The following FXR2 variants were observed in gnomAD, a reference collection of about 807,000 sequenced individuals.
FXR2 encodes FMR1 autosomal homolog 2.
In FXR2, 9 loss-of-function variants were observed where a neutral mutation model predicts 87.3. That is an observed-to-expected ratio of 0.10 (90% confidence interval 0.06 to 0.18). The LOEUF (loss-of-function observed/expected upper bound fraction) is 0.18. Ranked by LOEUF, FXR2 falls within the 10% of genes least tolerant of loss-of-function variation. The pLI is 1.00. For missense variants in FXR2, 661 were observed against 893.6 expected (o/e 0.74, Z 3.32); for synonymous variants, 331 against 328.3 (o/e 1.01, Z -0.09).
intron 6 of FXR2, 66 bp from the exon 7 acceptor site, chr17:7,601,591 G>T: frequency 1.0e-6 from 1 of 964,176 alleles, no homozygotes; most frequent in Non-Finnish European, 1.7e-6. Context: ...GAGAGCCAGG[G>T]ACTAGAAATC....
chr17:7,609,981 T>TATACATACATGTATATGTATAC (rs1567753917), intron 1 of FXR2, among the ~76,000 whole-genome samples: 1 of 48,542 alleles, frequency 2.1e-5, no homozygotes. Context: ...TATGTATACA[T>TATACATACATGTATATGTATAC]ATATATATAC....
rs559837139 is a variant in FXR2 at position 7,612,351 on chromosome 17, T to C, written c.81+2101A>G. 2.0e-5 allele frequency among the ~76,000 whole-genome samples: 3 copies of C among 151,898 alleles called. No homozygotes were observed. In the South Asian group the frequency reaches 6.2e-4, roughly 32 times the overall value. ...GCTATTTCAACAAAGGTAATGCAAGTTTGGGGAAAAGGATATGAGAGACAA... is the reference window on the plus strand; with the variant it reads ...GCTATTTCAACAAAGGTAATGCAAGCTTGGGGAAAAGGATATGAGAGACAA... On this transcript the variant is annotated intron_variant, in intron 1 of 16. Coordinates refer to ENST00000250113, the MANE Select transcript of FXR2 (RefSeq NM_004860.4).
chr17:7,611,274 T>C (rs770450195), intron 1 of FXR2, among the ~76,000 whole-genome samples: 14 of 150,298 alleles, frequency 9.3e-5, no homozygotes, highest in South Asian at 4.2e-4. Flanking sequence ...CAGTCTGACA[T>C]GAAAAAAAAA....
rs775341369 is a variant in FXR2, at chr17:7,606,166, A to G, written c.82-17T>C. ...CACAAAGCCCTAGAATGGATTTTAG[A>G]AAAAAGCAAAAAAAATAAAATGACC... On this transcript the variant is annotated splice_polypyrimidine_tract_variant and intron_variant, in intron 1 of 16. Transcript: ENST00000250113. 1 of 1,488,562 alleles carries G rather than the reference A, an allele frequency of 6.7e-7. No homozygotes were observed. The highest frequency in any genetic ancestry group is 1.2e-5 in the South Asian group (1 of 82,544). 92.2% of individuals were successfully genotyped at this position (1,488,562 alleles called of 1,614,324 possible). A position where few individuals can be genotyped will look rare whatever the true frequency, so the allele number is the denominator to read the frequency against.
chr17:7,592,806 G>T lies in FXR2; in HGVS notation c.1617C>A (p.Pro539=), dbSNP rs138143492. The T allele has an allele frequency of 3.8e-5, 62 of 1,613,606 alleles. 1 individual carries two copies. The highest frequency in any genetic ancestry group is 3.8e-4 in the East Asian group (17 of 44,858). The change falls in exon 14 of 17, where the codon CCC becomes CCA. Residue 539 remains proline, a synonymous_variant. Transcript: ENST00000250113. This position sits in a 1 kb window ranked among gnomAD's most constrained non-coding sequence, Gnocchi z 4.8. Reference sequence around the variant, plus strand: ...AGCGGCGGCGCCTGGCACTTGCTGGGGGGGGTTCCCCAGGTTCTGAATCAA... The same window carrying T: ...AGCGGCGGCGCCTGGCACTTGCTGGTGGGGGTTCCCCAGGTTCTGAATCAA... ...PPVDSEPGEP[P]PASARRRRSR... is the part of the protein sequence containing the mutation.
intron 1 of FXR2, among the ~76,000 whole-genome samples, chr17:7,613,156 T>C (rs2071889385): frequency 6.8e-6 from 1 of 147,942 alleles, no homozygotes; most frequent in African/African-American, 2.5e-5. Context: ...CATGAGAAAC[T>C]AGAGAGGACT....
At chr17:7,596,030 A>AT in intron 7 of FXR2, 36 bp from the exon 8 acceptor site, 1 of 1,511,422 alleles carries the variant, frequency 6.6e-7, no homozygotes, top group African/African-American at 1.4e-5. Flanking sequence ...TCATGGTGGT[A>AT]GAATCTCACA....
chr17:7,592,061 TC>T lies in FXR2; in HGVS notation c.1927-137del. 1.3e-6 allele frequency: 1 copy of T among 773,166 alleles called. No individual in the cohort carries two copies. The highest frequency in any genetic ancestry group is 1.8e-6 in the Non-Finnish European group (1 of 556,866). The allele number at this position is 773,166 out of a possible 1,614,324, so 47.9% of individuals were successfully genotyped here. On this transcript the variant is annotated intron_variant, in intron 16 of 16. Coordinates refer to ENST00000250113, the MANE Select transcript of FXR2 (RefSeq NM_004860.4). This position sits in a 1 kb window ranked among gnomAD's most constrained non-coding sequence, Gnocchi z 4.8. Reference sequence around the variant, plus strand: ...TTGGTTCCCTGATCTCATGATCCAGTCTCTCTTACTTGGGATCCAGAAAATG... The same window carrying T: ...TTGGTTCCCTGATCTCATGATCCAGTTCTCTTACTTGGGATCCAGAAAATG...
Position 7,605,635 on chromosome 17 carries a change from C to T in FXR2, c.228+10G>A, listed in dbSNP as rs769213157. ...GTGACATTTAGAAAGGTGTACTCCA[C>T]AGCCCTTACCTCCACTTCATCCCCT... On this transcript the variant is annotated intron_variant, in intron 3 of 16. Coordinates refer to ENST00000250113, the MANE Select transcript of FXR2 (RefSeq NM_004860.4). The T allele has an allele frequency of 1.4e-5, 20 of 1,381,730 alleles. No homozygotes were observed. The highest frequency in any genetic ancestry group is 4.6e-5 in the East Asian group (2 of 43,750). 85.6% of individuals were successfully genotyped at this position (1,381,730 alleles called of 1,614,324 possible). A position where few individuals can be genotyped will look rare whatever the true frequency, so the allele number is the denominator to read the frequency against.
chr17:7,595,318 T>G lies in FXR2; in HGVS notation c.831+506A>C, dbSNP rs1307911746. On this transcript the variant is annotated intron_variant, in intron 8 of 16. Coordinates refer to ENST00000250113, the MANE Select transcript of FXR2 (RefSeq NM_004860.4). This position sits in a 1 kb window ranked among gnomAD's most constrained non-coding sequence, Gnocchi z 4.7. Reference sequence around the variant, plus strand: ...TTTTGGTCTCACTCTATTGACTATGTTGCCCAGGTTGGTTCAGTGGCACCA... The same window carrying G: ...TTTTGGTCTCACTCTATTGACTATGGTGCCCAGGTTGGTTCAGTGGCACCA... 1.3e-5 allele frequency among the ~76,000 whole-genome samples: 2 copies of G among 152,108 alleles called. No individual in the cohort carries two copies. The highest frequency in any genetic ancestry group is 1.3e-4 in the Admixed American group (2 of 15,250).
intron 1 of FXR2, among the ~76,000 whole-genome samples, chr17:7,613,670 A>G (rs925587940): frequency 6.6e-6 from 1 of 152,242 alleles, no homozygotes; most frequent in African/African-American, 2.4e-5. Context: ...TTTAGAGATT[A>G]TGACTATGAA....
At position 7,614,613 on chromosome 17, in the gene FXR2, T is replaced by G; in HGVS notation, c.-81A>C. On this transcript the variant is annotated 5_prime_UTR_variant, in exon 1 of 17. Transcript: ENST00000250113. ...CGGGCCGGGCCAGGCCCCCGGCGTC[T>G]CCCCGGAGGAGGAGCCGGAGGGGGA... is the stretch of plus-strand genomic sequence containing the variant. 1 of 855,366 alleles carries G rather than the reference T, an allele frequency of 1.2e-6. No individual in the cohort carries two copies. The highest frequency in any genetic ancestry group is 1.6e-6 in the Non-Finnish European group (1 of 642,934). The allele number at this position is 855,366 out of a possible 1,614,324, so 53.0% of individuals were successfully genotyped here. A position where few individuals can be genotyped will look rare whatever the true frequency, so the allele number is the denominator to read the frequency against.
chr17:7,609,957 T>TATACATGTATATGTATAC (rs2071840556), intron 1 of FXR2, among the ~76,000 whole-genome samples: 1 of 60,760 alleles, frequency 1.6e-5, no homozygotes, highest in Admixed American at 1.6e-4. Context: ...TATGTATACA[T>TATACATGTATATGTATAC]ATATATACAT....
At chr17:7,607,015 A>G (rs1198521335) in intron 1 of FXR2, among the ~76,000 whole-genome samples, 1 of 152,208 alleles carries the variant, frequency 6.6e-6, no homozygotes, top group African/African-American at 2.4e-5. Context: ...TTTTGGTTTC[A>G]TATCTAAGAA....
At chr17:7,607,321 A>C (rs2071811047) in intron 1 of FXR2, among the ~76,000 whole-genome samples, 3 of 151,116 alleles carry the variant, frequency 2.0e-5, no homozygotes, top group Middle Eastern at 6.8e-3. Context: ...TCCATCTCAA[A>C]AAAAAAAAAA....
In FXR2 at chr17:7,600,135, G is replaced by A. The variant is rs146136582; in HGVS notation, c.660+1274C>T. Among the ~76,000 whole-genome samples, 94 of 152,000 alleles carry A rather than the reference G, an allele frequency of 6.2e-4. 2 individuals are homozygous for A. In the East Asian group the frequency reaches 0.016, roughly 26 times the overall value. ...GCTGGTCTTGAACTCCCGACCTCAGGTGATCTGCCCGCCTCAGCCTCCCAA... is the reference window on the plus strand; with the variant it reads ...GCTGGTCTTGAACTCCCGACCTCAGATGATCTGCCCGCCTCAGCCTCCCAA... On this transcript the variant is annotated intron_variant, in intron 7 of 16. Coordinates refer to ENST00000250113, the MANE Select transcript of FXR2 (RefSeq NM_004860.4).
At chr17:7,596,717 T>G (rs1316469464) in intron 7 of FXR2, among the ~76,000 whole-genome samples, 1 of 152,364 alleles carries the variant, frequency 6.6e-6, no homozygotes, top group African/African-American at 2.4e-5. Context: ...GTGAAAGTAC[T>G]TCTCACAAGG....
chr17:7,605,448 G>A (rs1409816544), intron 3 of FXR2, among the ~76,000 whole-genome samples, 197 bp downstream of exon 3: 10 of 152,146 alleles, frequency 6.6e-5, no homozygotes, highest in Non-Finnish European at 7.4e-5. Context: ...AAGGCAAATC[G>A]CCTGAAACTG....
intron 3 of FXR2, among the ~76,000 whole-genome samples, chr17:7,605,292 C>T (rs1460854250): frequency 6.6e-6 from 1 of 152,010 alleles, no homozygotes; most frequent in Non-Finnish European, 1.5e-5. Flanking sequence ...TGCTTGAACC[C>T]AAGAGGCGGA....
Sources: gnomAD v4.1 joint callset for allele counts (sites outside exome capture counted in the v4.1 genomes callset) on GRCh38, gnomAD v4.1.1 for gene constraint, Gnocchi (gnomAD v3.1) non-coding constraint, MANE v1.5 for transcripts, NCBI Gene and HGNC (gene_info 2026-07-23, HGNC 2026-07-21) for gene names.